Variants in RRBP1 observed in about 807,000 individuals in gnomAD.
The protein encoded by RRBP1 is ribosome binding protein 1.
A neutral mutation model predicts 165.2 loss-of-function variants in RRBP1; 94 were observed. That is an observed-to-expected ratio of 0.57 (90% confidence interval 0.48 to 0.68). RRBP1 has a LOEUF of 0.68. Among genes scored for constraint, RRBP1 ranks in the 30% least tolerant of loss-of-function variants. The pLI, the probability that RRBP1 is intolerant of heterozygous loss-of-function variation, is 0.00. For missense variants in RRBP1, 1,676 were observed against 1,763.0 expected (o/e 0.95, Z 0.88); for synonymous variants, 680 against 714.5 (o/e 0.95, Z 0.77).
Position 17,633,491 on chromosome 20 carries a change from G to A in RRBP1, c.2579C>T (p.Ala860Val), listed in dbSNP as rs781487872. The A allele has an allele frequency of 5.6e-6, 9 of 1,613,930 alleles. No individual in the cohort carries two copies. In the Admixed American group the frequency reaches 1.3e-4, roughly 24 times the overall value. The change falls in exon 8 of 25, where the codon GCT becomes GTT. Residue 860 changes from alanine to valine, a missense_variant. Ala to Val is a moderately conservative substitution (Grantham distance 64). Coordinates refer to ENST00000377813, the MANE Select transcript of RRBP1 (RefSeq NM_001365613.2). ...CTGCAGGACCTGCTTCTCGAAGGCA[G>A]CTGCCTTGGCTTCCAGAGCTTTCCG... ...QQRKALEAKA[A>V]AFEKQVLQLQ...
At position 17,660,236 on chromosome 20, in the gene RRBP1, T is replaced by A. The variant is rs755135886; in HGVS notation, c.272A>T (p.Asn91Ile). 6 of 1,612,616 alleles carry A rather than the reference T, an allele frequency of 3.7e-6. No homozygotes were observed. The South Asian group carries it at 4.4e-5, about 12-fold the overall frequency. The change falls in exon 3 of 25, where the codon AAT (asparagine) becomes ATT (isoleucine). Residue 91 changes from asparagine to isoleucine, a missense_variant. Asn to Ile is a moderately radical substitution (Grantham distance 149). Coordinates refer to ENST00000377813, the MANE Select transcript of RRBP1 (RefSeq NM_001365613.2). ...GKIPDHDPAP[N>I]VTVLLREPVR... The stretch of plus-strand genomic sequence containing the variant: ...TGGTTCTCGAAGGAGGACAGTCACA[T>A]TGGGGGCTGGATCATGATCAGGTAT...
rs1228128027 is a variant in RRBP1, at chr20:17,636,749, G to C, written c.2185-20C>G. On this transcript the variant is annotated intron_variant, in intron 5 of 24. Coordinates refer to ENST00000377813, the MANE Select transcript of RRBP1 (RefSeq NM_001365613.2). ...CATCTCCTGGGGGGAAAGTAGCAGAGAGAGGGGCTGGTAAGCCTTGCAGGG... is the reference window on the plus strand; with the variant it reads ...CATCTCCTGGGGGGAAAGTAGCAGACAGAGGGGCTGGTAAGCCTTGCAGGG... 3.7e-6 allele frequency: 6 copies of C among 1,611,964 alleles called. No homozygotes were observed. Among genetic ancestry groups the C allele is most frequent in the African/African-American group, 1.3e-5 (1 of 75,074 alleles).
rs572507501 is a variant in RRBP1, at chr20:17,681,843, C to T, written c.-99+185G>A. On this transcript the variant is annotated intron_variant, in intron 1 of 24. Transcript: ENST00000377813. The stretch of plus-strand genomic sequence containing the variant: ...GCCCCGGTACGGCGCTTGCCCGGCA[C>T]CCCCGCCCCGAGTCCGACCCCGACC... Among the ~76,000 whole-genome samples the T allele has an allele frequency of 7.4e-5, 11 of 147,864 alleles. No individual in the cohort carries two copies. The South Asian group carries it at 2.3e-3, about 31-fold the overall frequency.
At chr20:17,662,735 G>GT (rs139969681) in intron 2 of RRBP1, among the ~76,000 whole-genome samples, 6,922 of 152,192 alleles carry the variant, frequency 0.045, 527 homozygotes, top group African/African-American at 0.16. Flanking sequence ...GATTCAGTGG[G>GT]TAGGAGGATG....
Position 17,627,546 on chromosome 20 carries a change from G to T in RRBP1, c.2886C>A (p.Ala962=). 6.2e-7 allele frequency: 1 copy of T among 1,613,156 alleles called. No homozygotes were observed. Among genetic ancestry groups the T allele is most frequent in the Non-Finnish European group, 8.5e-7 (1 of 1,179,726 alleles). ...QLTERIRSIE[A]LLEAGQARDA... is the part of the protein sequence containing the mutation. Reference sequence around the variant, plus strand: ...CCCGCGCCTGGCCCGCCTCCAGCAGGGCCTCAATGGAACGGATTCTCTCTG... The same window carrying T: ...CCCGCGCCTGGCCCGCCTCCAGCAGTGCCTCAATGGAACGGATTCTCTCTG... The change falls in exon 10 of 25, where the codon GCC becomes GCA. Residue 962 remains alanine (A), a synonymous_variant. Coordinates refer to ENST00000377813, the MANE Select transcript of RRBP1 (RefSeq NM_001365613.2).
rs745935248 is a variant in RRBP1 at position 17,620,389 on chromosome 20, G to C, written c.3508-19C>G. ...CCCGGGACTACAAAGCAAGGGGAAG[G>C]CTCCGTCAGACACGAGCACCTGGGG... On this transcript the variant is annotated intron_variant, in intron 17 of 24. Coordinates refer to ENST00000377813, the MANE Select transcript of RRBP1 (RefSeq NM_001365613.2). 106 of 1,607,248 alleles carry C rather than the reference G, an allele frequency of 6.6e-5. 1 individual carries two copies. Among genetic ancestry groups the C allele is most frequent in the Admixed American group, 2.8e-4 (17 of 59,984 alleles).
At chr20:17,618,809 C>G (rs1186274014) in intron 19 of RRBP1, 130 bp from the exon 20 acceptor site, 1 of 711,578 alleles carries the variant, frequency 1.4e-6, no homozygotes, top group African/African-American at 1.7e-5. Context: ...AGGGTCACAG[C>G]ATCGGGCCGG....
chr20:17,655,721 T>C (rs191009641), intron 3 of RRBP1, among the ~76,000 whole-genome samples: 6 of 152,384 alleles, frequency 3.9e-5, no homozygotes, highest in African/African-American at 1.2e-4. Context: ...AGGCTCTTGA[T>C]ACATTTCACA....
At chr20:17,667,803 CTTGAGTAGTT>C (rs1327314953) in intron 2 of RRBP1, among the ~76,000 whole-genome samples, 1 of 152,178 alleles carries the variant, frequency 6.6e-6, no homozygotes, top group Non-Finnish European at 1.5e-5. Flanking sequence ...AAAGTACATC[CTTGAGTAGTT>C]CTTTCAGCAA....
chr20:17,672,113 G>A (rs1029532660), intron 2 of RRBP1, among the ~76,000 whole-genome samples: 6 of 152,180 alleles, frequency 3.9e-5, no homozygotes. Flanking sequence ...GGAATATCCC[G>A]ACACTGCCAA....
rs1348522404 is a variant in RRBP1 at position 17,657,503 on chromosome 20, A to G, written c.1912+1093T>C. 3.9e-5 allele frequency among the ~76,000 whole-genome samples: 6 copies of G among 152,342 alleles called. No individual in the cohort carries two copies. In the East Asian group the frequency reaches 1.2e-3, roughly 29 times the overall value. On this transcript the variant is annotated intron_variant, in intron 3 of 24. Coordinates refer to ENST00000377813, the MANE Select transcript of RRBP1 (RefSeq NM_001365613.2). ...CACACCTCCTAAGATACCCTTCGTC[A>G]ACACAAATGCAATTATTTTTCCAAA...
At chr20:17,639,952 A>C (rs1403219401) in intron 5 of RRBP1, among the ~76,000 whole-genome samples, 3 of 152,158 alleles carry the variant, frequency 2.0e-5, no homozygotes, top group African/African-American at 7.2e-5. Flanking sequence ...CAGGACTCTC[A>C]ACAGAGAGCA....
chr20:17,655,952 A>G (rs1015531471), intron 3 of RRBP1, among the ~76,000 whole-genome samples: 1 of 152,158 alleles, frequency 6.6e-6, no homozygotes, highest in South Asian at 2.1e-4. Context: ...AGAAATGCAG[A>G]ATCTCAGGCC....
In RRBP1 at chr20:17,682,070, C is replaced by G. The variant is rs2037205193; in HGVS notation, c.-141G>C. On this transcript the variant is annotated 5_prime_UTR_variant, in exon 1 of 25. Coordinates refer to ENST00000377813, the MANE Select transcript of RRBP1 (RefSeq NM_001365613.2). Reference sequence around the variant, plus strand: ...AGAGGGAAAGCGAGAGGGCAGGAGCCGCCGCCTTCGCAGCCGCCGCGGAGC... The same window carrying G: ...AGAGGGAAAGCGAGAGGGCAGGAGCGGCCGCCTTCGCAGCCGCCGCGGAGC... The G allele has an allele frequency of 6.5e-6, 1 of 153,586 alleles. No homozygotes were observed. Among genetic ancestry groups the G allele is most frequent in the African/African-American group, 2.4e-5 (1 of 41,440 alleles). The allele number at this position is 153,586 out of a possible 1,614,324, so 9.5% of individuals were successfully genotyped here. A position where few individuals can be genotyped will look rare whatever the true frequency, so the allele number is the denominator to read the frequency against.
chr20:17,628,680 T>C (rs6034868), intron 9 of RRBP1, among the ~76,000 whole-genome samples: 54,805 of 152,194 alleles, frequency 0.36, 13,464 homozygotes, highest in African/African-American at 0.71. Context: ...ATTTCTCACA[T>C]AGGCCAAGTC....
At chr20:17,620,598 C>A in intron 17 of RRBP1, 117 bp downstream of exon 17, 1 of 841,080 alleles carries the variant, frequency 1.2e-6, no homozygotes, top group South Asian at 1.4e-5. Context: ...CATAGGGTGT[C>A]GTGGAAAAGC....
intron 20 of RRBP1, among the ~76,000 whole-genome samples, chr20:17,617,335 G>A (rs2035821019): frequency 6.6e-6 from 1 of 152,216 alleles, no homozygotes; most frequent in Admixed American, 6.5e-5. Flanking sequence ...CCAAACCACT[G>A]GGCCTGCAAT....
chr20:17,658,423 T>C (rs1414021381), intron 3 of RRBP1, among the ~76,000 whole-genome samples, 173 bp downstream of exon 3: 1 of 152,156 alleles, frequency 6.6e-6, no homozygotes, highest in Non-Finnish European at 1.5e-5. Context: ...TCCAGAAGCA[T>C]GAGCAACAAT....
chr20:17,614,686 G>A, intron 24 of RRBP1, 51 bp downstream of exon 24: 1 of 1,600,444 alleles, frequency 6.2e-7, no homozygotes, highest in African/African-American at 1.3e-5. Flanking sequence ...GCCTCCCCGG[G>A]GCTCCCGGCA....
Sources: gnomAD v4.1 joint callset for allele counts (sites outside exome capture counted in the v4.1 genomes callset) on GRCh38, gnomAD v4.1.1 for gene constraint, MANE v1.5 for transcripts, NCBI Gene and HGNC (gene_info 2026-07-23, HGNC 2026-07-21) for gene names.